IGSF21: variants seen among roughly 807,000 people sequenced by gnomAD.
The protein encoded by IGSF21 is immunoglobulin superfamily member 21.
In IGSF21, 28 loss-of-function variants were observed where a neutral mutation model predicts 46.8. The observed-to-expected ratio is 0.60, with a 90% CI of 0.44 to 0.82. IGSF21 has a LOEUF of 0.82. Among genes scored for constraint, IGSF21 ranks in the 40% least tolerant of loss-of-function variants. IGSF21 has a pLI of 0.00. For synonymous variants in IGSF21, 284 were observed against 273.6 expected (o/e 1.04, Z -0.38); for missense variants, 624 against 665.5 (o/e 0.94, Z 0.69).
chr1:18,251,694 T>C (rs891859836), intron 2 of IGSF21, among the ~76,000 whole-genome samples: 1 of 152,154 alleles, frequency 6.6e-6, no homozygotes, highest in Non-Finnish European at 1.5e-5. Flanking sequence ...AAACAAGATT[T>C]GGGGATCATA....
At chr1:18,351,558 G>T (rs1440206394) in intron 4 of IGSF21, among the ~76,000 whole-genome samples, 1 of 152,184 alleles carries the variant, frequency 6.6e-6, no homozygotes, top group South Asian at 2.1e-4. Context: ...TGCTCTCTGG[G>T]GGGAGGACGG....
At chr1:18,376,580 T>G (rs977985574) in intron 7 of IGSF21, among the ~76,000 whole-genome samples, 185 bp downstream of exon 7, 1 of 152,214 alleles carries the variant, frequency 6.6e-6, no homozygotes, top group Admixed American at 6.5e-5. Flanking sequence ...AAGAGGTGCA[T>G]GCATGTTTCA....
chr1:18,343,725 G>A (rs2085865360), intron 4 of IGSF21, among the ~76,000 whole-genome samples: 1 of 152,174 alleles, frequency 6.6e-6, no homozygotes, highest in South Asian at 2.1e-4. Context: ...AATTATCTTG[G>A]CATCCTTGTC....
intron 2 of IGSF21, among the ~76,000 whole-genome samples, chr1:18,245,680 C>T (rs1186589056): frequency 3.9e-5 from 6 of 152,194 alleles, no homozygotes; most frequent in Non-Finnish European, 8.8e-5. Context: ...TAGCAATGAG[C>T]AAGCATGTGT....
intron 1 of IGSF21, among the ~76,000 whole-genome samples, chr1:18,199,096 CCTT>C (rs2087039551): frequency 1.3e-5 from 2 of 152,192 alleles, no homozygotes; most frequent in East Asian, 3.9e-4. Context: ...AGGCCCATGT[CCTT>C]CTAAAGCAAA....
At chr1:18,261,516 C>G (rs2084946716) in intron 2 of IGSF21, among the ~76,000 whole-genome samples, 1 of 152,234 alleles carries the variant, frequency 6.6e-6, no homozygotes, top group Non-Finnish European at 1.5e-5. Context: ...AGTCACCACC[C>G]TTTTTCTAGA....
intron 5 of IGSF21, 148 bp downstream of exon 5, chr1:18,362,378 G>C (rs774555934): frequency 1.6e-6 from 1 of 623,928 alleles, no homozygotes; most frequent in East Asian, 2.8e-5. Flanking sequence ...GTCTGATCCC[G>C]TTTACCCATT....
At chr1:18,119,259 T>C (rs2086212618) in intron 1 of IGSF21, among the ~76,000 whole-genome samples, 1 of 152,228 alleles carries the variant, frequency 6.6e-6, no homozygotes, top group African/African-American at 2.4e-5. Flanking sequence ...GGAGGGCAAA[T>C]AGGCAAGTTC....
chr1:18,297,010 C>A (rs549658494), intron 3 of IGSF21, among the ~76,000 whole-genome samples: 26 of 152,298 alleles, frequency 1.7e-4, no homozygotes, highest in Non-Finnish European at 3.4e-4. Context: ...CCAACAAGGT[C>A]CTACTTGTCC....
At chr1:18,311,829 G>A (rs1419327995) in intron 3 of IGSF21, among the ~76,000 whole-genome samples, 1 of 152,144 alleles carries the variant, frequency 6.6e-6, no homozygotes, top group Non-Finnish European at 1.5e-5. Context: ...AACAGTGTGG[G>A]GGGAATAGCC....
intron 3 of IGSF21, among the ~76,000 whole-genome samples, chr1:18,300,804 C>T (rs1429723789): frequency 5.3e-5 from 8 of 152,236 alleles, no homozygotes; most frequent in Middle Eastern, 3.4e-3. Context: ...AGGCCTCCTA[C>T]CCCCAGAGCT....
At chr1:18,125,510 G>GA (rs1384356815) in intron 1 of IGSF21, among the ~76,000 whole-genome samples, 1 of 152,226 alleles carries the variant, frequency 6.6e-6, no homozygotes, top group Admixed American at 6.5e-5. Context: ...AACTCTGAAT[G>GA]AACTGATTAA....
chr1:18,127,253 T>A (rs1194127058), intron 1 of IGSF21, among the ~76,000 whole-genome samples: 2 of 152,162 alleles, frequency 1.3e-5, no homozygotes, highest in African/African-American at 4.8e-5. Context: ...AACATACAGA[T>A]ACATAACCTA....
chr1:18,296,417 T>A (rs916194393), intron 3 of IGSF21, among the ~76,000 whole-genome samples: 5 of 152,106 alleles, frequency 3.3e-5, no homozygotes, highest in African/African-American at 1.2e-4. Flanking sequence ...TGTTTTTTGC[T>A]GGGTTGGATG....
chr1:18,372,657 T>TGGATGGATGG (rs2086238034), intron 6 of IGSF21, among the ~76,000 whole-genome samples: 6 of 64,474 alleles, frequency 9.3e-5, no homozygotes, highest in Admixed American at 1.6e-4. Flanking sequence ...TGGATGGATG[T>TGGATGGATGG]TTGGATGGGT....
At chr1:18,275,944 C>T (rs1265343780) in intron 2 of IGSF21, among the ~76,000 whole-genome samples, 1 of 152,162 alleles carries the variant, frequency 6.6e-6, no homozygotes, top group Non-Finnish European at 1.5e-5. Flanking sequence ...CGGTCTCTGC[C>T]CCAGTGTTGC....
intron 3 of IGSF21, among the ~76,000 whole-genome samples, chr1:18,329,826 G>A (rs1185131517): frequency 2.6e-5 from 4 of 152,202 alleles, no homozygotes; most frequent in African/African-American, 9.6e-5. Context: ...CACAGCCCTG[G>A]CTCCAGATTC....
intron 1 of IGSF21, among the ~76,000 whole-genome samples, chr1:18,166,402 AC>A (rs2086678958): frequency 6.6e-6 from 1 of 151,782 alleles, no homozygotes; most frequent in Non-Finnish European, 1.5e-5. Flanking sequence ...AGTCACTTTG[AC>A]CTCCCTGGCC....
chr1:18,191,172 C>T (rs561442972), intron 1 of IGSF21, among the ~76,000 whole-genome samples: 3 of 152,186 alleles, frequency 2.0e-5, no homozygotes, highest in African/African-American at 7.2e-5. Context: ...CAGTGCCAGG[C>T]CCTCTGCTAG....
Sources: gnomAD v4.1 joint callset for allele counts (sites outside exome capture counted in the v4.1 genomes callset) on GRCh38, gnomAD v4.1.1 for gene constraint, MANE v1.5 for transcripts, NCBI Gene and HGNC (gene_info 2026-07-23, HGNC 2026-07-21) for gene names.